Variants in SGCD observed in about 807,000 individuals in gnomAD.
SGCD encodes the protein delta-sarcoglycan.
Under a neutral mutation model 36.6 loss-of-function variants are expected in SGCD, and 18 were observed. That is an observed-to-expected ratio of 0.49 (90% CI 0.34 to 0.73). The LOEUF (loss-of-function observed/expected upper bound fraction) is 0.73. SGCD is among the 30% of genes least tolerant of loss of function. SGCD has a pLI of 0.01. For synonymous variants in SGCD, 133 were observed against 130.6 expected, an observed-to-expected ratio of 1.02 and a Z score of -0.12; for missense variants, 387 against 346.7, an observed-to-expected ratio of 1.12 and a Z score of -0.92.
At chr5:155,904,967 G>A (rs916404135) in intron 1 of SGCD, among the ~76,000 whole-genome samples, 5 of 152,148 alleles carry the variant, frequency 3.3e-5, no homozygotes, top group African/African-American at 1.2e-4. Context: ...TCTATAAACT[G>A]AATGGATCAT....
At chr5:156,648,872 C>T (rs32054) in intron 7 of SGCD, among the ~76,000 whole-genome samples, 134,804 of 152,112 alleles carry the variant, frequency 0.89, 59,829 homozygotes, top group East Asian at 0.99. Flanking sequence ...AGTGAACCTT[C>T]GTGTCTGTGA....
At chr5:156,691,445 AG>A (rs908824983) in intron 7 of SGCD, among the ~76,000 whole-genome samples, 1 of 152,128 alleles carries the variant, frequency 6.6e-6, no homozygotes, top group Admixed American at 6.6e-5. Flanking sequence ...AACTAAAATA[AG>A]GGTCAATAAA....
intron 3 of SGCD, among the ~76,000 whole-genome samples, chr5:156,443,184 C>T (rs572944177): frequency 8.1e-4 from 123 of 152,118 alleles, no homozygotes; most frequent in African/African-American, 2.9e-3. Context: ...AGGGTTTCAC[C>T]GTGTTGGCCA....
intron 3 of SGCD, among the ~76,000 whole-genome samples, chr5:156,402,535 C>G (rs1772210230): frequency 6.6e-6 from 1 of 152,126 alleles, no homozygotes; most frequent in African/African-American, 2.4e-5. Context: ...CATAATTATT[C>G]AGAAGGGGGT....
intron 1 of SGCD, among the ~76,000 whole-genome samples, chr5:155,950,576 G>T (rs777262019): frequency 6.6e-6 from 1 of 152,144 alleles, no homozygotes; most frequent in Non-Finnish European, 1.5e-5. Flanking sequence ...AAATGGATGG[G>T]AAATTTCAGA....
At chr5:156,121,931 A>G (rs907420530) in intron 2 of SGCD, among the ~76,000 whole-genome samples, 3 of 152,148 alleles carry the variant, frequency 2.0e-5, no homozygotes, top group African/African-American at 4.8e-5. Context: ...AGTCATCCCA[A>G]TACATGCCAC....
intron 1 of SGCD, among the ~76,000 whole-genome samples, chr5:155,937,609 T>C (rs1409443287): frequency 6.6e-6 from 1 of 152,170 alleles, no homozygotes; most frequent in Non-Finnish European, 1.5e-5. Flanking sequence ...GCTGTTGTGC[T>C]GGGATGAACA....
At chr5:156,119,457 G>A (rs1414281705) in intron 2 of SGCD, among the ~76,000 whole-genome samples, 1 of 152,020 alleles carries the variant, frequency 6.6e-6, no homozygotes, top group Non-Finnish European at 1.5e-5. Flanking sequence ...AAGCATTGTT[G>A]GCAACAGGAA....
At chr5:155,824,811 C>T in the SGCD span, among the ~76,000 whole-genome samples, 5 of 152,098 alleles carry the variant, frequency 3.3e-5, no homozygotes, top group Non-Finnish European at 7.3e-5. Context: ...TTGATTGTAT[C>T]GCTACCACTT....
intron 3 of SGCD, among the ~76,000 whole-genome samples, chr5:156,206,389 C>T (rs540658397): frequency 6.6e-6 from 1 of 151,964 alleles, no homozygotes; most frequent in African/African-American, 2.4e-5. Context: ...ATTTTTGGGT[C>T]ATAGGATGAA....
the SGCD span, among the ~76,000 whole-genome samples, chr5:155,768,270 T>C: frequency 8.2e-5 from 12 of 145,468 alleles, no homozygotes; most frequent in Admixed American, 8.2e-4. Flanking sequence ...TTTGTTTTTG[T>C]TTTGTTGTTG....
chr5:155,839,235 A>G, the SGCD span, among the ~76,000 whole-genome samples: 1 of 152,300 alleles, frequency 6.6e-6, no homozygotes, highest in African/African-American at 2.4e-5. Context: ...ACCTGGCGAG[A>G]AAAGGTTGTA....
intron 3 of SGCD, among the ~76,000 whole-genome samples, chr5:156,283,415 T>C (rs1329526630): frequency 6.6e-6 from 1 of 152,192 alleles, no homozygotes; most frequent in African/African-American, 2.4e-5. Context: ...TCCTTTAATA[T>C]TTCTTTACAC....
chr5:156,337,240 G>A (rs17053429), intron 2 of SGCD, among the ~76,000 whole-genome samples: 1,950 of 152,240 alleles, frequency 0.013, 50 homozygotes, highest in African/African-American at 0.045. Flanking sequence ...GGGAACCTAT[G>A]CCTCCTATTT....
intron 3 of SGCD, among the ~76,000 whole-genome samples, chr5:156,374,177 C>G (rs1441572116): frequency 6.6e-6 from 1 of 151,728 alleles, no homozygotes; most frequent in African/African-American, 2.4e-5. Flanking sequence ...ATGGCAATAT[C>G]CTTAGTGTTA....
At chr5:156,320,727 A>T (rs1380495942) in intron 3 of SGCD, among the ~76,000 whole-genome samples, 3 of 152,224 alleles carry the variant, frequency 2.0e-5, no homozygotes, top group Non-Finnish European at 4.4e-5. Context: ...ACAGAAGATG[A>T]CTTCAGCTTA....
At chr5:155,736,553 A>T in the SGCD span, among the ~76,000 whole-genome samples, 1 of 152,156 alleles carries the variant, frequency 6.6e-6, no homozygotes, top group Non-Finnish European at 1.5e-5. Flanking sequence ...AAATAATTTA[A>T]TGTTTTCTAT....
intron 7 of SGCD, among the ~76,000 whole-genome samples, chr5:156,670,591 A>G (rs1753246567): frequency 6.6e-6 from 1 of 152,204 alleles, no homozygotes; most frequent in Admixed American, 6.5e-5. Flanking sequence ...ACAAAGAGTA[A>G]TGGGAGTTTA....
the SGCD span, among the ~76,000 whole-genome samples, chr5:155,852,083 G>A: frequency 8.5e-5 from 13 of 152,202 alleles, no homozygotes; most frequent in African/African-American, 2.9e-4. Flanking sequence ...GACAGGACTT[G>A]CTGTGGAACA....
Sources: gnomAD v4.1 joint callset for allele counts (sites outside exome capture counted in the v4.1 genomes callset) on GRCh38, gnomAD v4.1.1 for gene constraint, MANE v1.5 for transcripts, NCBI Gene and HGNC (gene_info 2026-07-23, HGNC 2026-07-21) for gene names.